Variants in AMHR2 observed in about 807,000 individuals in gnomAD.
AMHR2 encodes anti-Muellerian hormone type-2 receptor.
A neutral mutation model predicts 61.4 loss-of-function variants in AMHR2; 36 were observed. The observed-to-expected ratio is 0.59, with a 90% confidence interval of 0.45 to 0.77. The LOEUF (loss-of-function observed/expected upper bound fraction) is 0.77. Ranked by LOEUF, AMHR2 falls within the 30% of genes least tolerant of loss-of-function variation. The probability of loss-of-function intolerance (pLI) is 0.00; values close to 1 mark genes in which losing one functional copy is unlikely to be tolerated. For missense variants in AMHR2, 638 were observed against 714.6 expected, an observed-to-expected ratio of 0.89 and a Z score of 1.22; for synonymous variants, 258 against 279.4, an observed-to-expected ratio of 0.92 and a Z score of 0.76.
At position 53,426,188 on chromosome 12, in the gene AMHR2, A is replaced by C. The variant is rs138484988; in HGVS notation, c.852+269A>C. Reference sequence around the variant, plus strand: ...ACTGCAAAATTACAAAAATTAGCTCAGCATGGCAGTGCACACCTGTAGTCC... The same window carrying C: ...ACTGCAAAATTACAAAAATTAGCTCCGCATGGCAGTGCACACCTGTAGTCC... On this transcript the variant is annotated intron_variant, in intron 6 of 10. Transcript: ENST00000257863. 4.4e-3 allele frequency among the ~76,000 whole-genome samples: 676 copies of C among 152,214 alleles called. 8 individuals are homozygous for C. Among genetic ancestry groups the C allele is most frequent in the African/African-American group, 0.016 (654 of 41,520 alleles).
In AMHR2 at chr12:53,430,243, G is replaced by A; in HGVS notation, c.1386G>A (p.Arg462=). The change falls in exon 10 of 11, where the codon AGG becomes AGA. Residue 462 remains arginine (R), a synonymous_variant. Transcript: ENST00000257863. ...GGGCCTTGGCAGTGCAGGAGAGGAG[G>A]CGTCCCTACATCCCATCCACCTGGC... ...ELWALAVQER[R]RPYIPSTWRC... 6.2e-7 allele frequency: 1 copy of A among 1,614,168 alleles called. No homozygotes were observed. Among genetic ancestry groups the A allele is most frequent in the Non-Finnish European group, 8.5e-7 (1 of 1,180,036 alleles).
chr12:53,429,919 T>C lies in AMHR2; in HGVS notation c.1229T>C (p.Ile410Thr). Residue 410 changes from isoleucine (I) to threonine (T), a missense_variant, in exon 9 of 11, where the codon ATT becomes ACT. By Grantham distance (89) the Ile-to-Thr change is moderately conservative. Coordinates refer to ENST00000257863, the MANE Select transcript of AMHR2 (RefSeq NM_020547.3). ...DWGMALRRAD[I>T]YSLALLLWEI... Reference sequence around the variant, plus strand: ...GGCATGGCCCTCCGACGAGCTGATATTTACTCTTTGGCTCTGCTCCTGTGG... The same window carrying C: ...GGCATGGCCCTCCGACGAGCTGATACTTACTCTTTGGCTCTGCTCCTGTGG... 1.2e-6 allele frequency: 2 copies of C among 1,614,118 alleles called. No homozygotes were observed. Among genetic ancestry groups the C allele is most frequent in the South Asian group, 1.1e-5 (1 of 91,078 alleles).
Position 53,429,759 on chromosome 12 carries a change from A to G in AMHR2, c.1141-72A>G, listed in dbSNP as rs1459114512. 4 of 1,609,330 alleles carry G rather than the reference A, an allele frequency of 2.5e-6. No homozygotes were observed. The African/African-American group carries it at 5.3e-5, about 22-fold the overall frequency. On this transcript the variant is annotated intron_variant, in intron 8 of 10. Coordinates refer to ENST00000257863, the MANE Select transcript of AMHR2 (RefSeq NM_020547.3). ...TTGCTGAGTCTGTAGTTGGGGGGAT[A>G]TTGCATGGACCATTGCTGCAATGAG...
At chr12:53,430,822 G>A in intron 10 of AMHR2, 1 of 411,634 alleles carries the variant, frequency 2.4e-6, no homozygotes, top group Non-Finnish European at 4.5e-6. Context: ...TACCTGATCT[G>A]AAATTTCCAC....
chr12:53,424,951 G>T, intron 3 of AMHR2, 51 bp downstream of exon 3: 1 of 1,583,760 alleles, frequency 6.3e-7, no homozygotes. Flanking sequence ...CCCAGGTTAG[G>T]ATGAGAGGTG....
At chr12:53,430,815 C>T (rs146846605) in intron 10 of AMHR2, 92 of 405,288 alleles carry the variant, frequency 2.3e-4, no homozygotes, top group African/African-American at 1.5e-3. Context: ...CCTTCTGTAC[C>T]TGATCTGAAA....
At chr12:53,429,260 CATGT>C (rs1939892937) in intron 7 of AMHR2, among the ~76,000 whole-genome samples, 189 bp from the exon 8 acceptor site, 4 of 151,998 alleles carry the variant, frequency 2.6e-5, no homozygotes, top group Non-Finnish European at 5.9e-5. Context: ...GGCGTGGTGG[CATGT>C]GCCTGTAGTC....
In AMHR2 at chr12:53,424,293, C is replaced by G. The variant is rs756301317; in HGVS notation, c.55C>G (p.Pro19Ala). ...TTCCCCACCCTGGGCCTCAGCACCC[C>G]CAAACAGGCGAACCTGTGTGTTCTT... ...ALLPTAVEAP[P>A]NRRTCVFFEA... The change falls in exon 2 of 11, where the codon CCA (proline) becomes GCA (alanine). Residue 19 changes from proline (P) to alanine (A), a missense_variant. By Grantham distance (27) the Pro-to-Ala change is conservative. Coordinates refer to ENST00000257863, the MANE Select transcript of AMHR2 (RefSeq NM_020547.3). The G allele has an allele frequency of 1.7e-5, 27 of 1,612,460 alleles. No individual in the cohort carries two copies. In the East Asian group the frequency reaches 5.6e-4, roughly 33 times the overall value.
At chr12:53,430,497 GAC>G in intron 10 of AMHR2, 1 of 690,890 alleles carries the variant, frequency 1.4e-6, no homozygotes, top group South Asian at 1.8e-5. Flanking sequence ...ATCTACCTGA[GAC>G]ACACACCTTC....
Position 53,429,532 on chromosome 12 carries a change from T to C in AMHR2, c.1047T>C (p.Ile349=), listed in dbSNP as rs150791971. ...VLIREDGSCA[I]GDLGLALVLP... ...TTCGGGAAGATGGATCGTGTGCCATTGGAGACCTGGGCCTTGCCTTGGTGC... is the reference window on the plus strand; with the variant it reads ...TTCGGGAAGATGGATCGTGTGCCATCGGAGACCTGGGCCTTGCCTTGGTGC... Residue 349 remains isoleucine (I), a synonymous_variant, in exon 8 of 11, where the codon ATT becomes ATC. Coordinates refer to ENST00000257863, the MANE Select transcript of AMHR2 (RefSeq NM_020547.3). 2.7e-4 allele frequency: 435 copies of C among 1,612,810 alleles called. 6 individuals are homozygous for C. Among genetic ancestry groups the C allele is most frequent in the East Asian group, 8.9e-5 (4 of 44,776 alleles).
At chr12:53,429,041 A>G (rs1406274958) in intron 7 of AMHR2, 31 bp downstream of exon 7, 1 of 1,504,930 alleles carries the variant, frequency 6.6e-7, no homozygotes, top group South Asian at 1.2e-5. Flanking sequence ...AAGTCAAGGG[A>G]GCCACAGTGC....
chr12:53,428,330 C>G (rs1939797354), intron 6 of AMHR2, among the ~76,000 whole-genome samples: 1 of 152,202 alleles, frequency 6.6e-6, no homozygotes, highest in African/African-American at 2.4e-5. Context: ...TGCCCTCCAC[C>G]TGCTACTCTG....
chr12:53,426,003 T>G, intron 6 of AMHR2, 84 bp downstream of exon 6: 1 of 1,312,916 alleles, frequency 7.6e-7, no homozygotes, highest in African/African-American at 1.5e-5. Flanking sequence ...TGGGCCCTGT[T>G]GATTGCTTCT....
Position 53,425,485 on chromosome 12 carries a change from G to A in AMHR2, c.533G>A (p.Arg178Gln), listed in dbSNP as rs150262652. 25 of 1,614,002 alleles carry A rather than the reference G, an allele frequency of 1.5e-5. No homozygotes were observed. The highest frequency in any genetic ancestry group is 4.4e-5 in the South Asian group (4 of 91,086). ...ALLQRKNYRVRGEPVPEPRPD... is the reference protein window; with the variant it reads ...ALLQRKNYRVQGEPVPEPRPD... ...CTACAGCGAAAGAACTACAGAGTGC[G>A]AGGTGAGCCAGTGCCAGAGCCAAGG... Residue 178 changes from arginine to glutamine, a missense_variant, in exon 5 of 11, where the codon CGA becomes CAA. By Grantham distance (43) the Arg-to-Gln change is conservative. Transcript: ENST00000257863.
chr12:53,425,660 G>A (rs1939511941), intron 5 of AMHR2, 29 bp from the exon 6 acceptor site: 1 of 1,613,240 alleles, frequency 6.2e-7, no homozygotes, highest in African/African-American at 1.3e-5. Context: ...TAGCTCAGAG[G>A]CCCACACTCA....
At chr12:53,424,017 A>G (rs1406117638) in intron 1 of AMHR2, 34 bp downstream of exon 1, 1 of 1,611,674 alleles carries the variant, frequency 6.2e-7, no homozygotes, top group East Asian at 2.2e-5. Flanking sequence ...GGGTCTCTCC[A>G]TCCATCCAGC....
intron 5 of AMHR2, 39 bp from the exon 6 acceptor site, chr12:53,425,650 T>C: frequency 6.2e-7 from 1 of 1,612,928 alleles, no homozygotes; most frequent in Non-Finnish European, 8.5e-7. Flanking sequence ...GGCCCTGTTA[T>C]AGCTCAGAGG....
rs1165690150 is a variant in AMHR2 at position 53,430,288 on chromosome 12, A to G, written c.1425+6A>G. ...CCTGGCGCTGCTTTGCCACAGTAAGAGGCCTAGGCTGTTGGTCTGGGAACC... is the reference window on the plus strand; with the variant it reads ...CCTGGCGCTGCTTTGCCACAGTAAGGGGCCTAGGCTGTTGGTCTGGGAACC... On this transcript the variant is annotated splice_donor_region_variant and intron_variant, in intron 10 of 10. Coordinates refer to ENST00000257863, the MANE Select transcript of AMHR2 (RefSeq NM_020547.3). 1 of 1,614,020 alleles carries G rather than the reference A, an allele frequency of 6.2e-7. No individual in the cohort carries two copies. The highest frequency in any genetic ancestry group is 1.3e-5 in the African/African-American group (1 of 74,902).
chr12:53,423,997 G>C lies in AMHR2; in HGVS notation c.49+14G>C, dbSNP rs748130941. 54 of 1,613,996 alleles carry C rather than the reference G, an allele frequency of 3.3e-5. No homozygotes were observed. The highest frequency in any genetic ancestry group is 2.7e-4 in the Admixed American group (16 of 60,006). ...CAGCTGTGGAAGGTAAGTGTCTACA[G>C]GGAGGGGAAGGGTCTCTCCATCCAT... On this transcript the variant is annotated intron_variant, in intron 1 of 10. Transcript: ENST00000257863.
Sources: allele counts gnomAD v4.1 joint callset (sites outside exome capture counted in the v4.1 genomes callset), GRCh38; gene constraint gnomAD v4.1.1; transcripts MANE v1.5; gene names NCBI Gene and HGNC (gene_info 2026-07-23, HGNC 2026-07-21).